The following SUMF1 variants were observed in gnomAD, a reference collection of about 807,000 sequenced individuals.
The protein encoded by SUMF1 is formylglycine-generating enzyme.
In SUMF1, 48 loss-of-function variants were observed where a neutral mutation model predicts 47.6. The ratio of observed to expected loss-of-function variants is 1.01; its 90% CI spans 0.80 to 1.28. SUMF1 has a LOEUF of 1.28. SUMF1 is among the 50% of genes most tolerant of loss of function. SUMF1 has a pLI of 0.00. For synonymous variants in SUMF1, 230 were observed against 192.1 expected (o/e 1.20, Z -1.63); for missense variants, 571 against 485.4 (o/e 1.18, Z -1.66).
intron 8 of SUMF1, among the ~76,000 whole-genome samples, chr3:4,245,443 T>C (rs1385343706): frequency 1.3e-5 from 2 of 152,182 alleles, no homozygotes; most frequent in African/African-American, 4.8e-5. Context: ...TTTTTGTTGA[T>C]GTTGATGCTA....
chr3:4,083,622 G>A (rs1692612529), intron 8 of SUMF1, among the ~76,000 whole-genome samples: 1 of 152,016 alleles, frequency 6.6e-6, no homozygotes, highest in Non-Finnish European at 1.5e-5. Flanking sequence ...TCCAAAATTA[G>A]GGTCTTATAG....
At chr3:4,246,307 C>T (rs748293941) in intron 8 of SUMF1, among the ~76,000 whole-genome samples, 6 of 152,028 alleles carry the variant, frequency 3.9e-5, no homozygotes, top group Admixed American at 6.6e-5. Flanking sequence ...CCAGGTACCT[C>T]AGTTGGAAAT....
At position 4,232,408 on chromosome 3, in the gene SUMF1, G is replaced by A. The variant is rs371259418; in HGVS notation, c.1014+143922C>T. On this transcript the variant is annotated intron_variant and NMD_transcript_variant, in intron 8 of 12. Coordinates refer to the SUMF1 transcript ENST00000448413. Reference sequence around the variant, plus strand: ...GATTCAAAATTCTGAGGAAGAATATGACTGCCAGGGTTCATCACGTCAGTC... The same window carrying A: ...GATTCAAAATTCTGAGGAAGAATATAACTGCCAGGGTTCATCACGTCAGTC... Among the ~76,000 whole-genome samples the A allele has an allele frequency of 2.6e-5, 4 of 152,186 alleles. No individual in the cohort carries two copies. The East Asian group carries it at 7.8e-4, about 30-fold the overall frequency.
At chr3:4,097,202 T>A (rs1399612463) in intron 8 of SUMF1, among the ~76,000 whole-genome samples, 1 of 152,082 alleles carries the variant, frequency 6.6e-6, no homozygotes, top group African/African-American at 2.4e-5. Flanking sequence ...ATTCACTCAA[T>A]AAGGGTTGGG....
chr3:4,317,292 C>G, intron 8 of SUMF1: 1 of 1,303,192 alleles, frequency 7.7e-7, no homozygotes, highest in South Asian at 1.4e-5. Context: ...ATTCACAGTC[C>G]AAAACCGCAG....
intron 8 of SUMF1, among the ~76,000 whole-genome samples, chr3:4,290,891 G>C (rs1021557695): frequency 6.6e-6 from 1 of 152,068 alleles, no homozygotes; most frequent in Admixed American, 6.6e-5. Context: ...AATTAGCCAT[G>C]GTAGGTGCAT....
rs561250607 is a variant in SUMF1, at chr3:4,279,669, A to G, written c.1014+96661T>C. 5.9e-5 allele frequency among the ~76,000 whole-genome samples: 9 copies of G among 152,296 alleles called. No individual in the cohort carries two copies. The South Asian group carries it at 1.7e-3, about 28-fold the overall frequency. On this transcript the variant is annotated intron_variant and NMD_transcript_variant, in intron 8 of 12. Transcript: ENST00000448413. The stretch of plus-strand genomic sequence containing the variant: ...AGCAATAAATGCAAAAAAAAAATAA[A>G]GCCATGTTGTGTTTATACTCTGACA...
At chr3:4,247,116 G>C (rs551428448) in intron 8 of SUMF1, among the ~76,000 whole-genome samples, 1 of 152,242 alleles carries the variant, frequency 6.6e-6, no homozygotes, top group South Asian at 2.1e-4. Context: ...GGCAATACAA[G>C]GCAAAGGAGG....
Position 4,272,687 on chromosome 3 carries a change from A to C in SUMF1, c.1014+103643T>G, listed in dbSNP as rs1039071269. Among the ~76,000 whole-genome samples the C allele has an allele frequency of 9.8e-5, 15 of 152,316 alleles. 2 individuals are homozygous for C. Among genetic ancestry groups the C allele is most frequent in the South Asian group, 8.3e-4 (4 of 4,832 alleles). Reference sequence around the variant, plus strand: ...AAACACAGTGGCAAAAAGTGTAACTAATCTTGCAATGATTACAAAAATCAA... The same window carrying C: ...AAACACAGTGGCAAAAAGTGTAACTCATCTTGCAATGATTACAAAAATCAA... On this transcript the variant is annotated intron_variant and NMD_transcript_variant, in intron 8 of 12. Transcript: ENST00000448413.
At chr3:4,197,773 A>T (rs1314724877) in intron 8 of SUMF1, among the ~76,000 whole-genome samples, 2 of 152,134 alleles carry the variant, frequency 1.3e-5, no homozygotes, top group African/African-American at 4.8e-5. Flanking sequence ...CATGCAGATT[A>T]CACTCTTCAG....
intron 9 of SUMF1, among the ~76,000 whole-genome samples, chr3:4,059,510 C>T (rs1303638434): frequency 6.6e-6 from 1 of 152,120 alleles, no homozygotes; most frequent in East Asian, 1.9e-4. Context: ...ACTGAATACA[C>T]AAATCTCTTA....
At chr3:4,262,093 A>G (rs1050062766) in intron 8 of SUMF1, among the ~76,000 whole-genome samples, 1 of 152,202 alleles carries the variant, frequency 6.6e-6, no homozygotes, top group African/African-American at 2.4e-5. Context: ...GCTATAAGCC[A>G]AAATATGTCT....
At position 4,252,831 on chromosome 3, in the gene SUMF1, T is replaced by C. The variant is rs113789810; in HGVS notation, c.1014+123499A>G. On this transcript the variant is annotated intron_variant and NMD_transcript_variant, in intron 8 of 12. Transcript: ENST00000448413. ...ACTCAGTGAATATTCAGGCAGTCAA[T>C]AGATAATCTAAATTTGCACCTGTTT... 7.2e-5 allele frequency among the ~76,000 whole-genome samples: 11 copies of C among 152,172 alleles called. 1 individual carries two copies. The highest frequency in any genetic ancestry group is 2.1e-4 in the South Asian group (1 of 4,820).
At position 4,418,235 on chromosome 3, in the gene SUMF1, A is replaced by G. The variant is rs184816691; in HGVS notation, c.603-103T>C. ...ATAATCCCCCTCAGTTCAATCTGTG[A>G]CACTGAGGTCATCCTGGTCCTTAAG... is the stretch of plus-strand genomic sequence containing the variant. On this transcript the variant is annotated intron_variant, in intron 4 of 8. Transcript: ENST00000272902. The G allele has an allele frequency of 4.7e-4, 718 of 1,515,968 alleles. 6 individuals are homozygous for G. In the East Asian group the frequency reaches 0.015, roughly 32 times the overall value. 93.9% of individuals were successfully genotyped at this position (1,515,968 alleles called of 1,614,324 possible). A position where few individuals can be genotyped will look rare whatever the true frequency, so the allele number is the denominator to read the frequency against.
At chr3:4,049,856 G>A (rs564583392) in intron 9 of SUMF1, among the ~76,000 whole-genome samples, 170 of 152,212 alleles carry the variant, frequency 1.1e-3, no homozygotes, top group East Asian at 3.9e-4. Context: ...ATGAATGTGG[G>A]GGTATTATTG....
At chr3:4,175,450 G>C (rs1694937576) in intron 8 of SUMF1, among the ~76,000 whole-genome samples, 1 of 152,150 alleles carries the variant, frequency 6.6e-6, no homozygotes, top group South Asian at 2.1e-4. Context: ...TGAGGGACCT[G>C]ACTGTTAGAA....
chr3:4,147,088 A>T (rs1429095900), intron 8 of SUMF1, among the ~76,000 whole-genome samples: 1 of 152,158 alleles, frequency 6.6e-6, no homozygotes, highest in African/African-American at 2.4e-5. Flanking sequence ...TGGCCATCAG[A>T]GAAATGCAAA....
intron 8 of SUMF1, among the ~76,000 whole-genome samples, chr3:4,213,807 CAAAG>C (rs1695855721): frequency 6.6e-6 from 1 of 152,020 alleles, no homozygotes; most frequent in Admixed American, 6.6e-5. Context: ...TCAAAAGAGA[CAAAG>C]AAGGCCATTA....
At chr3:4,130,515 G>T (rs1475490131) in intron 8 of SUMF1, among the ~76,000 whole-genome samples, 1 of 152,108 alleles carries the variant, frequency 6.6e-6, no homozygotes, top group Non-Finnish European at 1.5e-5. Context: ...TATGCTGATT[G>T]GATCCAGTAA....
Sources: gnomAD v4.1 joint callset for allele counts (sites outside exome capture counted in the v4.1 genomes callset) on GRCh38, gnomAD v4.1.1 for gene constraint, MANE v1.5 for transcripts, NCBI Gene and HGNC (gene_info 2026-07-23, HGNC 2026-07-21) for gene names.